REDIC1: variants seen among roughly 807,000 people sequenced by gnomAD.
REDIC1 encodes the protein regulator of DNA class I crossover intermediates 1.
chr12:39,643,352 T>C, the REDIC1 span, among the ~76,000 whole-genome samples: 2 of 151,788 alleles, frequency 1.3e-5, no homozygotes, highest in Non-Finnish European at 3.0e-5. Flanking sequence ...GCTTTTTTTT[T>C]CTTCATTTCT....
chr12:39,907,112 T>C, the REDIC1 span, among the ~76,000 whole-genome samples: 5 of 152,280 alleles, frequency 3.3e-5, no homozygotes, highest in East Asian at 3.9e-4. Context: ...GCTTAATTAG[T>C]TGTAGTTACT....
At chr12:39,719,629 A>T in the REDIC1 span, among the ~76,000 whole-genome samples, 1 of 152,122 alleles carries the variant, frequency 6.6e-6, no homozygotes, top group African/African-American at 2.4e-5. Context: ...AATAAAAAAA[A>T]ATCACCAATA....
At chr12:39,751,363 C>T in the REDIC1 span, among the ~76,000 whole-genome samples, 1 of 152,198 alleles carries the variant, frequency 6.6e-6, no homozygotes, top group Non-Finnish European at 1.5e-5. Context: ...CCATCTCACA[C>T]ACCAGTTAGA....
the REDIC1 span, among the ~76,000 whole-genome samples, chr12:39,799,254 CTTTTTT>C: frequency 0.73 from 82,888 of 113,228 alleles, 30,330 homozygotes; most frequent in Non-Finnish European, 0.79. Flanking sequence ...TATGCTTAGC[CTTTTTT>C]TTTTTTTTTT....
the REDIC1 span, chr12:39,760,086 A>G: frequency 6.2e-7 from 1 of 1,612,918 alleles, no homozygotes; most frequent in East Asian, 2.2e-5. Flanking sequence ...TTACCCGAAT[A>G]TATTCAATAT....
the REDIC1 span, among the ~76,000 whole-genome samples, chr12:39,672,031 T>C: frequency 1.3e-5 from 2 of 151,974 alleles, no homozygotes; most frequent in East Asian, 3.9e-4. Flanking sequence ...GGGCACAGGC[T>C]ATGGTGGGTG....
chr12:39,720,803 A>C, the REDIC1 span: 2 of 1,609,576 alleles, frequency 1.2e-6, no homozygotes, highest in Non-Finnish European at 1.7e-6. Flanking sequence ...GAAGATGAAG[A>C]TCAAATATCA....
At chr12:39,659,666 A>G in the REDIC1 span, among the ~76,000 whole-genome samples, 1 of 110,228 alleles carries the variant, frequency 9.1e-6, no homozygotes, top group Non-Finnish European at 1.9e-5. Context: ...GTCTCCTTGA[A>G]TACAGGAAAT....
the REDIC1 span, among the ~76,000 whole-genome samples, chr12:39,792,417 C>G: frequency 1.3e-5 from 2 of 152,114 alleles, no homozygotes; most frequent in Non-Finnish European, 2.9e-5. Flanking sequence ...GCAAAAGAAA[C>G]TACCATCAGA....
chr12:39,706,800 G>C, the REDIC1 span, among the ~76,000 whole-genome samples: 1 of 151,848 alleles, frequency 6.6e-6, no homozygotes, highest in Non-Finnish European at 1.5e-5. Flanking sequence ...ACTGGTATCT[G>C]TATGCAGAAG....
At chr12:39,895,931 T>C in the REDIC1 span, among the ~76,000 whole-genome samples, 1 of 151,016 alleles carries the variant, frequency 6.6e-6, no homozygotes, top group African/African-American at 2.4e-5. Context: ...TATGTGTATA[T>C]GTGTATATAT....
the REDIC1 span, among the ~76,000 whole-genome samples, chr12:39,648,677 G>T: frequency 6.6e-6 from 1 of 150,964 alleles, no homozygotes; most frequent in Non-Finnish European, 1.5e-5. Context: ...CTTGTTAATG[G>T]GAATACTTAG....
chr12:39,751,928 G>A, the REDIC1 span, among the ~76,000 whole-genome samples: 31 of 152,278 alleles, frequency 2.0e-4, no homozygotes, highest in African/African-American at 7.5e-4. Flanking sequence ...GGGAGGGAAA[G>A]CATTAGGAGA....
the REDIC1 span, among the ~76,000 whole-genome samples, chr12:39,796,050 C>A: frequency 1.3e-5 from 2 of 152,114 alleles, no homozygotes; most frequent in Admixed American, 1.3e-4. Flanking sequence ...CCTCTTCTCC[C>A]CCCAGCCTCT....
the REDIC1 span, among the ~76,000 whole-genome samples, chr12:39,707,863 A>G: frequency 6.6e-6 from 1 of 151,916 alleles, no homozygotes; most frequent in Non-Finnish European, 1.5e-5. Context: ...TTGCAACAAC[A>G]TGGATGGAAC....
chr12:39,691,774 A>G, the REDIC1 span, among the ~76,000 whole-genome samples: 1 of 152,124 alleles, frequency 6.6e-6, no homozygotes, highest in East Asian at 1.9e-4. Context: ...CTTCAGCTGC[A>G]TTTACTATGA....
the REDIC1 span, among the ~76,000 whole-genome samples, chr12:39,639,579 A>G: frequency 5.9e-5 from 9 of 151,938 alleles, no homozygotes; most frequent in Non-Finnish European, 1.0e-4. Context: ...CCAATATCAG[A>G]CACCCTGGAT....
chr12:39,891,834 G>A, the REDIC1 span, among the ~76,000 whole-genome samples: 3 of 152,094 alleles, frequency 2.0e-5, no homozygotes, highest in East Asian at 5.8e-4. Context: ...ATTCAGCTGA[G>A]AACATCTATC....
the REDIC1 span, among the ~76,000 whole-genome samples, chr12:39,723,037 C>T: frequency 2.6e-5 from 4 of 152,250 alleles, no homozygotes; most frequent in Middle Eastern, 3.4e-3. Context: ...CCAGTAAAGA[C>T]TTTGAATACC....
Sources: allele counts gnomAD v4.1 joint callset (sites outside exome capture counted in the v4.1 genomes callset), GRCh38; gene constraint gnomAD v4.1.1; transcripts MANE v1.5; gene names NCBI Gene and HGNC (gene_info 2026-07-23, HGNC 2026-07-21).